The following CCDC148 variants were observed in gnomAD, a reference collection of about 807,000 sequenced individuals.
The protein encoded by CCDC148 is coiled-coil domain containing 148, also known as coiled-coil domain-containing protein 148.
A neutral mutation model predicts 85.7 loss-of-function variants in CCDC148; 89 were observed. The ratio of observed to expected loss-of-function variants is 1.04; its 90% CI spans 0.87 to 1.24. CCDC148 has a LOEUF of 1.24. CCDC148 is among the 50% of genes most tolerant of loss of function. CCDC148 has a pLI of 0.00. For missense variants in CCDC148, 692 were observed against 671.7 expected (o/e 1.03, Z -0.33); for synonymous variants, 230 against 213.9 (o/e 1.08, Z -0.66).
intron 10 of CCDC148, among the ~76,000 whole-genome samples, chr2:158,247,482 G>A (rs180840998): frequency 7.6e-4 from 115 of 152,206 alleles, no homozygotes; most frequent in Non-Finnish European, 1.2e-3. Flanking sequence ...CAGCCTATAC[G>A]AACAAAACTT....
At chr2:158,272,105 TAA>T (rs1472487810) in intron 9 of CCDC148, among the ~76,000 whole-genome samples, 4 of 152,194 alleles carry the variant, frequency 2.6e-5, no homozygotes, top group Non-Finnish European at 4.4e-5. Flanking sequence ...GGACAAAATA[TAA>T]GTTAGCTCTT....
intron 1 of CCDC148, among the ~76,000 whole-genome samples, chr2:158,364,219 A>G (rs1464964418): frequency 6.6e-6 from 1 of 152,262 alleles, no homozygotes; most frequent in Admixed American, 6.5e-5. Context: ...GAATATCGTG[A>G]AAATGGCCAT....
At chr2:158,194,526 C>T (rs568004145) in intron 11 of CCDC148, among the ~76,000 whole-genome samples, 77 of 152,218 alleles carry the variant, frequency 5.1e-4, no homozygotes, top group Non-Finnish European at 5.7e-4. Context: ...TCAAGGATGC[C>T]TATTTTTAAA....
At position 158,456,556 on chromosome 2, in the gene CCDC148, G is replaced by T; in HGVS notation, c.-117C>A. 1.6e-6 allele frequency: 2 copies of T among 1,288,718 alleles called. No individual in the cohort carries two copies. The highest frequency in any genetic ancestry group is 1.5e-5 in the South Asian group (1 of 67,730). 79.8% of individuals were successfully genotyped at this position (1,288,718 alleles called of 1,614,324 possible). A position where few individuals can be genotyped will look rare whatever the true frequency, so the allele number is the denominator to read the frequency against. ...TAAGGGCTCAGCTGTTCCTACCTTT[G>T]ACGCCAGGGACAAACCCTACCAGGC... On this transcript the variant is annotated 5_prime_UTR_variant, in exon 1 of 14. Transcript: ENST00000283233.
chr2:158,265,432 T>C (rs1689414573), intron 9 of CCDC148, among the ~76,000 whole-genome samples: 1 of 152,142 alleles, frequency 6.6e-6, no homozygotes, highest in African/African-American at 2.4e-5. Flanking sequence ...CTCTGCATCA[T>C]ATACATCCCA....
intron 1 of CCDC148, among the ~76,000 whole-genome samples, chr2:158,366,704 C>T (rs900045610): frequency 5.3e-5 from 8 of 152,308 alleles, no homozygotes; most frequent in African/African-American, 1.2e-4. Context: ...CTTCCTGCCA[C>T]GCTGGCCTAG....
intron 11 of CCDC148, among the ~76,000 whole-genome samples, chr2:158,210,586 A>G (rs1686510903): frequency 6.6e-6 from 1 of 152,016 alleles, no homozygotes; most frequent in African/African-American, 2.4e-5. Flanking sequence ...AGCAAATGCA[A>G]AAGAACAGAA....
chr2:158,345,155 C>A, intron 3 of CCDC148, 60 bp downstream of exon 3: 1 of 1,156,192 alleles, frequency 8.6e-7, no homozygotes, highest in Non-Finnish European at 1.3e-6. Context: ...GAACATCTGA[C>A]AAGATAAGTG....
At position 158,250,764 on chromosome 2, in the gene CCDC148, T is replaced by C; in HGVS notation, c.1251+8A>G. On this transcript the variant is annotated splice_region_variant and intron_variant, in intron 10 of 13. Coordinates refer to ENST00000283233, the MANE Select transcript of CCDC148 (RefSeq NM_138803.4). ...TTCACACATTCGTATTGACAATAGA[T>C]TTTTTACTTTTTTTTTCTTCTCTGC... The C allele has an allele frequency of 6.5e-7, 1 of 1,537,124 alleles. No individual in the cohort carries two copies. The highest frequency in any genetic ancestry group is 8.7e-7 in the Non-Finnish European group (1 of 1,145,344).
chr2:158,407,334 T>C (rs1280760058), intron 1 of CCDC148, among the ~76,000 whole-genome samples: 1 of 152,012 alleles, frequency 6.6e-6, no homozygotes, highest in African/African-American at 2.4e-5. Context: ...CTCACCTCCT[T>C]CCCCCAGGCA....
chr2:158,390,417 GA>G, intron 1 of CCDC148, among the ~76,000 whole-genome samples: 1 of 152,270 alleles, frequency 6.6e-6, no homozygotes, highest in East Asian at 1.9e-4. Flanking sequence ...ATGATGCTGA[GA>G]AAGAACAGAT....
chr2:158,439,116 C>G (rs1303134324), intron 1 of CCDC148, among the ~76,000 whole-genome samples: 1 of 152,126 alleles, frequency 6.6e-6, no homozygotes, highest in Non-Finnish European at 1.5e-5. Context: ...CCCAGCCATC[C>G]CATTACTGGG....
chr2:158,270,134 C>A (rs1461252465), intron 9 of CCDC148, among the ~76,000 whole-genome samples: 1 of 152,114 alleles, frequency 6.6e-6, no homozygotes, highest in Non-Finnish European at 1.5e-5. Flanking sequence ...GATATATGAA[C>A]ACAGTATTTT....
In CCDC148 at chr2:158,456,339, C is replaced by T. The variant is rs567314891; in HGVS notation, c.25+76G>A. The stretch of plus-strand genomic sequence containing the variant: ...GGGAAGGGGGAGTGGCTGCAGAGAA[C>T]AAACATAAGTAGGATTTAGGTGGCT... On this transcript the variant is annotated intron_variant, in intron 1 of 13. Transcript: ENST00000283233. 2.1e-5 allele frequency: 31 copies of T among 1,494,322 alleles called. No homozygotes were observed. The African/African-American group carries it at 2.8e-4, about 13-fold the overall frequency. The allele number at this position is 1,494,322 out of a possible 1,614,324, so 92.6% of individuals were successfully genotyped here.
At chr2:158,233,528 A>G (rs796421836) in intron 10 of CCDC148, among the ~76,000 whole-genome samples, 2 of 151,562 alleles carry the variant, frequency 1.3e-5, no homozygotes, top group Non-Finnish European at 2.9e-5. Flanking sequence ...TACAAGGTAT[A>G]CATTTGCTAA....
chr2:158,394,550 C>T (rs1685446130), intron 1 of CCDC148, among the ~76,000 whole-genome samples: 1 of 151,844 alleles, frequency 6.6e-6, no homozygotes, highest in Admixed American at 6.6e-5. Context: ...TAACAGATGT[C>T]AGGGAATTCT....
chr2:158,324,809 T>C (rs1692688772), intron 7 of CCDC148, among the ~76,000 whole-genome samples: 1 of 152,144 alleles, frequency 6.6e-6, no homozygotes, highest in Admixed American at 6.6e-5. Flanking sequence ...ACTTTCTTAG[T>C]CATTTGCATT....
At chr2:158,231,207 A>G (rs972017608) in intron 10 of CCDC148, among the ~76,000 whole-genome samples, 2 of 152,074 alleles carry the variant, frequency 1.3e-5, no homozygotes, top group African/African-American at 4.8e-5. Flanking sequence ...CAGGAAAGAG[A>G]ATGTGGTTAT....
At chr2:158,438,992 A>T (rs1386276761) in intron 1 of CCDC148, among the ~76,000 whole-genome samples, 2 of 152,214 alleles carry the variant, frequency 1.3e-5, no homozygotes, top group East Asian at 3.9e-4. Flanking sequence ...GTTGGAGAGG[A>T]TGTGGAGAAA....
Sources: allele counts gnomAD v4.1 joint callset (sites outside exome capture counted in the v4.1 genomes callset), GRCh38; gene constraint gnomAD v4.1.1; transcripts MANE v1.5; gene names NCBI Gene and HGNC (gene_info 2026-07-23, HGNC 2026-07-21).